The following ANLN variants were observed in gnomAD, a reference collection of about 807,000 sequenced individuals.
ANLN encodes the protein anillin.
In ANLN, 59 loss-of-function variants were observed where a neutral mutation model predicts 135.1. The observed-to-expected ratio is 0.44, with a 90% CI of 0.35 to 0.54. The LOEUF is 0.54. Among genes scored for constraint, ANLN ranks in the 20% least tolerant of loss-of-function variants. The pLI is 0.00. For missense variants in ANLN, 1,182 were observed against 1,340.0 expected (o/e 0.88, Z 1.84); for synonymous variants, 406 against 456.4 (o/e 0.89, Z 1.41).
At chr7:36,443,366 T>G (rs1788857551) in intron 21 of ANLN, among the ~76,000 whole-genome samples, 1 of 152,272 alleles carries the variant, frequency 6.6e-6, no homozygotes, top group African/African-American at 2.4e-5. Flanking sequence ...AGGTTTAACT[T>G]AATATGTTAT....
chr7:36,424,927 G>C lies in ANLN; in HGVS notation c.2709+185G>C, dbSNP rs3213722. ...AAATAAACTGTGAGTGATCATGATT[G>C]TCAGTATAAGTTCCTGATACACTCG... is the stretch of plus-strand genomic sequence containing the variant. On this transcript the variant is annotated intron_variant, in intron 17 of 23. Transcript: ENST00000265748. 0.5 allele frequency among the ~76,000 whole-genome samples: 76,180 copies of C among 151,962 alleles called. 19,432 individuals are homozygous for C. The highest frequency in any genetic ancestry group is 0.63 in the East Asian group (3,273 of 5,170).
intron 9 of ANLN, among the ~76,000 whole-genome samples, chr7:36,417,579 G>A (rs1239133602): frequency 6.6e-6 from 1 of 151,756 alleles, no homozygotes; most frequent in African/African-American, 2.4e-5. Flanking sequence ...CATGGAAGTA[G>A]TGTCAGATCC....
intron 11 of ANLN, 70 bp from the exon 12 acceptor site, chr7:36,420,527 A>G: frequency 1.5e-6 from 2 of 1,373,656 alleles, no homozygotes; most frequent in Non-Finnish European, 1.0e-6. Flanking sequence ...AATTCTGCTG[A>G]TATGTTCAAT....
At position 36,421,890 on chromosome 7, in the gene ANLN, G is replaced by A. The variant is rs1392393934; in HGVS notation, c.2197G>A (p.Val733Met). The A allele has an allele frequency of 1.2e-6, 2 of 1,613,204 alleles. No homozygotes were observed. Among genetic ancestry groups the A allele is most frequent in the Admixed American group, 3.3e-5 (2 of 59,940 alleles). Residue 733 changes from valine to methionine, a missense_variant, in exon 13 of 24, where the codon GTG becomes ATG. Physicochemically the swap from Val to Met is conservative, Grantham distance 21 (BLOSUM62 1). This residue lies in a region of ANLN where 1,022 missense variants were observed against 1,134.0 expected (regional missense o/e 0.90). Transcript: ENST00000265748. ...LNNEINMQQT[V>M]IYQASQALNC... ...TAACGAAATAAATATGCAACAGACA[G>A]TGATCTATCAAGCTAGCCAGGCTCT...
At chr7:36,428,642 A>T (rs1407753575) in intron 20 of ANLN, among the ~76,000 whole-genome samples, 1 of 151,902 alleles carries the variant, frequency 6.6e-6, no homozygotes, top group Non-Finnish European at 1.5e-5. Context: ...TTATAATCCT[A>T]TATTCACATC....
intron 3 of ANLN, among the ~76,000 whole-genome samples, chr7:36,400,184 C>G (rs986981036): frequency 3.3e-5 from 5 of 152,176 alleles, no homozygotes; most frequent in African/African-American, 1.2e-4. Context: ...AGTTACATGA[C>G]TAACAAGCTA....
Position 36,396,400 on chromosome 7 carries a change from G to A in ANLN, c.153G>A (p.Gln51=). ...CACTTTCAGAAGCAAGTAACCAGCA[G>A]CCCCTCTCTGGTGGTGAAGGTAAAA... ...RQPLSEASNQ[Q]PLSGGEEKSC... is the part of the protein sequence containing the mutation. The change falls in exon 2 of 24, where the codon CAG becomes CAA. Residue 51 remains glutamine, a synonymous_variant. Transcript: ENST00000265748. 6.3e-7 allele frequency: 1 copy of A among 1,589,110 alleles called. No homozygotes were observed. The highest frequency in any genetic ancestry group is 8.6e-7 in the Non-Finnish European group (1 of 1,162,720).
At chr7:36,392,729 T>A (rs197358) in intron 1 of ANLN, among the ~76,000 whole-genome samples, 147,067 of 151,888 alleles carry the variant, frequency 0.97, 71,382 homozygotes, top group East Asian at 1. Context: ...AGATTAGGGA[T>A]CTTTTTTTGT....
At position 36,424,692 on chromosome 7, in the gene ANLN, A is replaced by G. The variant is rs1372240187; in HGVS notation, c.2659A>G (p.Lys887Glu). The change falls in exon 17 of 24, where the codon AAG (lysine) becomes GAG (glutamate). Residue 887 changes from lysine to glutamate, a missense_variant. Lys to Glu is a moderately conservative substitution (Grantham distance 56). Around this residue, in one of 3 missense-constraint regions of ANLN, gnomAD observed 1,022 missense variants for 1,134.0 expected, o/e 0.90. Transcript: ENST00000265748. ...INIEVYSLVQ[K>E]KDPSGLDKKK... ...GCTTTGGGTTTGTGCGTAGGTGCAAAAGAAAGATCCCTCAGGCCTTGATAA... is the reference window on the plus strand; with the variant it reads ...GCTTTGGGTTTGTGCGTAGGTGCAAGAGAAAGATCCCTCAGGCCTTGATAA... The G allele has an allele frequency of 6.2e-6, 10 of 1,612,368 alleles. No individual in the cohort carries two copies. The highest frequency in any genetic ancestry group is 8.5e-6 in the Non-Finnish European group (10 of 1,179,390).
intron 14 of ANLN, among the ~76,000 whole-genome samples, chr7:36,423,160 C>T (rs932451835): frequency 2.6e-5 from 4 of 151,980 alleles, no homozygotes; most frequent in African/African-American, 7.2e-5. Context: ...CTGATTTATA[C>T]ACAATTTATT....
chr7:36,420,443 T>C (rs1390056979), intron 11 of ANLN, 129 bp downstream of exon 11: 1 of 1,325,356 alleles, frequency 7.5e-7, no homozygotes, highest in Non-Finnish European at 1.0e-6. Flanking sequence ...TAACTTTTGT[T>C]AGCCTCTCTT....
chr7:36,425,727 C>A lies in ANLN; in HGVS notation c.2735C>A (p.Thr912Lys). The A allele has an allele frequency of 6.2e-7, 1 of 1,611,896 alleles. No individual in the cohort carries two copies. The highest frequency in any genetic ancestry group is 8.5e-7 in the Non-Finnish European group (1 of 1,178,348). The change falls in exon 18 of 24, where the codon ACA (threonine) becomes AAA (lysine). Residue 912 changes from threonine (T) to lysine (K), a missense_variant. By Grantham distance (78) the Thr-to-Lys change is moderately conservative. This residue lies in a region of ANLN where 1,022 missense variants were observed against 1,134.0 expected (regional missense o/e 0.90). Transcript: ENST00000265748. Reference sequence around the variant, plus strand: ...GCTATTACTCCAAAGCGACTCCTCACATCTATAACCACAGTAAGTAGAATT... The same window carrying A: ...GCTATTACTCCAAAGCGACTCCTCAAATCTATAACCACAGTAAGTAGAATT... ...SKAITPKRLL[T>K]SITTKSNIHS...
intron 3 of ANLN, among the ~76,000 whole-genome samples, chr7:36,401,396 T>C (rs896055713): frequency 5.3e-5 from 8 of 152,204 alleles, no homozygotes; most frequent in Admixed American, 3.3e-4. Context: ...TGGAGTGCAG[T>C]GGCGCAATCT....
intron 4 of ANLN, among the ~76,000 whole-genome samples, chr7:36,407,171 A>G (rs1187951833): frequency 6.6e-6 from 1 of 152,178 alleles, no homozygotes; most frequent in Non-Finnish European, 1.5e-5. Context: ...ATTGAATCCC[A>G]GCTGTACTAC....
intron 20 of ANLN, among the ~76,000 whole-genome samples, chr7:36,435,659 G>T (rs1248274347): frequency 6.6e-6 from 1 of 151,620 alleles, no homozygotes; most frequent in Non-Finnish European, 1.5e-5. Context: ...GGATCACGAG[G>T]TCAGGAGATC....
chr7:36,431,597 G>GTGTGTGTGTA (rs1306528982), intron 20 of ANLN, among the ~76,000 whole-genome samples: 10 of 27,446 alleles, frequency 3.6e-4, no homozygotes, highest in Non-Finnish European at 6.4e-4. Flanking sequence ...GTGTGTGTGT[G>GTGTGTGTGTA]TATATATATA....
chr7:36,452,564 A>G lies in ANLN; in HGVS notation c.3339A>G (p.Gln1113=). 1 of 1,614,082 alleles carries G rather than the reference A, an allele frequency of 6.2e-7. No homozygotes were observed. ...NQVLVDIRLW[Q]PDACYKPIGK... Reference sequence around the variant, plus strand: ...TTCTTGTTGATATTCGCCTCTGGCAACCTGATGCTTGCTACAAACCTATTG... The same window carrying G: ...TTCTTGTTGATATTCGCCTCTGGCAGCCTGATGCTTGCTACAAACCTATTG... The change falls in exon 24 of 24, where the codon CAA becomes CAG. Residue 1113 remains glutamine, a synonymous_variant. Transcript: ENST00000265748.
chr7:36,418,421 T>C (rs1208952915), intron 9 of ANLN, among the ~76,000 whole-genome samples: 2 of 152,180 alleles, frequency 1.3e-5, no homozygotes, highest in Non-Finnish European at 2.9e-5. Flanking sequence ...CACCCAACAT[T>C]ATAACGAAAG....
At position 36,420,223 on chromosome 7, in the gene ANLN, A is replaced by T. The variant is rs1480754103; in HGVS notation, c.1924A>T (p.Ser642Cys). ...ELKDTSRSDE[S>C]PKPGKFQRTR... is the part of the protein sequence containing the mutation. ...GAAAGACACCAGCAGAAGTGATGAAAGTCCAAAACCAGGAAAATTCCAAAG... is the reference window on the plus strand; with the variant it reads ...GAAAGACACCAGCAGAAGTGATGAATGTCCAAAACCAGGAAAATTCCAAAG... Residue 642 changes from serine (S) to cysteine (C), a missense_variant, in exon 11 of 24, where the codon AGT becomes TGT. Physicochemically the swap from Ser to Cys is moderately radical, Grantham distance 112. This residue lies in a region of ANLN where 1,022 missense variants were observed against 1,134.0 expected (regional missense o/e 0.90). Coordinates refer to ENST00000265748, the MANE Select transcript of ANLN (RefSeq NM_018685.5). 6.2e-7 allele frequency: 1 copy of T among 1,614,108 alleles called. No individual in the cohort carries two copies. Among genetic ancestry groups the T allele is most frequent in the Non-Finnish European group, 8.5e-7 (1 of 1,179,982 alleles).
Sources: allele counts gnomAD v4.1 joint callset (sites outside exome capture counted in the v4.1 genomes callset), GRCh38; gene constraint gnomAD v4.1.1; regional missense constraint gnomAD v4.1.1; transcripts MANE v1.5; gene names NCBI Gene and HGNC (gene_info 2026-07-23, HGNC 2026-07-21).